The following GCM2 variants were observed in gnomAD, a reference collection of about 807,000 sequenced individuals.
GCM2 encodes the protein chorion-specific transcription factor GCMb.
GCM2 carries 21 observed loss-of-function variants against 24.8 expected under a neutral mutation model. That is an observed-to-expected ratio of 0.85 (90% CI 0.60 to 1.22). The LOEUF (loss-of-function observed/expected upper bound fraction) is 1.22. Among genes scored for constraint, GCM2 ranks in the 50% most tolerant of loss-of-function variants. The pLI, the probability that GCM2 is intolerant of heterozygous loss-of-function variation, is 0.00. For missense variants in GCM2, 532 were observed against 645.6 expected, an observed-to-expected ratio of 0.82 and a Z score of 1.91; for synonymous variants, 222 against 238.0, an observed-to-expected ratio of 0.93 and a Z score of 0.62.
At position 10,875,765 on chromosome 6, in the gene GCM2, C is replaced by T. The variant is rs183244148; in HGVS notation, c.582+126G>A. On this transcript the variant is annotated intron_variant, in intron 4 of 4. Coordinates refer to ENST00000379491, the MANE Select transcript of GCM2 (RefSeq NM_004752.4). The stretch of plus-strand genomic sequence containing the variant: ...TGATTTAATGATATTTTGTTACAGA[C>T]GTATAATTTTCAGATGAAATCAAAC... The T allele has an allele frequency of 3.0e-3, 2,747 of 926,452 alleles. 22 individuals are homozygous for T. Among genetic ancestry groups the T allele is most frequent in the Middle Eastern group, 0.028 (121 of 4,266 alleles). The allele number at this position is 926,452 out of a possible 1,614,324, so 57.4% of individuals were successfully genotyped here.
rs1212077714 is a variant in GCM2 at position 10,881,755 on chromosome 6, G to T, written c.39C>A (p.Cys13Ter). 8 of 1,610,650 alleles carry T rather than the reference G, an allele frequency of 5.0e-6. No homozygotes were observed. Among genetic ancestry groups the T allele is most frequent in the African/African-American group, 1.3e-5 (1 of 74,904 alleles). The change falls in exon 1 of 5, where the codon TGC becomes TGA. Residue 13 changes from cysteine (C) to a stop codon, truncating the protein, a stop_gained. Coordinates refer to ENST00000379491, the MANE Select transcript of GCM2 (RefSeq NM_004752.4). LOFTEE classifies it high-confidence loss of function. ...CCCAGCTGAGCTGCATCCCGTAGGA[G>T]CACACGCCGACCGCTTCCTGCACCG... ...AAAVQEAVGV[C>*]SYGMQLSWDI...
At chr6:10,876,400 C>A in intron 3 of GCM2, 45 bp downstream of exon 3, 1 of 1,255,946 alleles carries the variant, frequency 8.0e-7, no homozygotes, top group South Asian at 1.2e-5. Flanking sequence ...CCTTTGTGGT[C>A]TGATGAAAAG....
Position 10,875,997 on chromosome 6 carries a change from T to TG in GCM2, c.475dup (p.His159ProfsTer13). 1 of 1,614,102 alleles carries TG rather than the reference T, an allele frequency of 6.2e-7. No individual in the cohort carries two copies. Among genetic ancestry groups the TG allele is most frequent in the Non-Finnish European group, 8.5e-7 (1 of 1,179,946 alleles). The stretch of plus-strand genomic sequence containing the variant: ...CTCTGATTTGCTCTCTGGTCTTGGA[T>TG]GATCATGAACTCCCTTGGCCTGCGA... On this transcript the variant is annotated frameshift_variant, in exon 4 of 5. Coordinates refer to ENST00000379491, the MANE Select transcript of GCM2 (RefSeq NM_004752.4). LOFTEE classifies it high-confidence loss of function.
chr6:10,881,024 G>A (rs920547460), intron 1 of GCM2, among the ~76,000 whole-genome samples: 4 of 152,204 alleles, frequency 2.6e-5, no homozygotes, highest in Non-Finnish European at 5.9e-5. Context: ...CTTGGTTAAA[G>A]GGAAGTGAAA....
At chr6:10,878,789 G>T (rs1244370253) in intron 1 of GCM2, among the ~76,000 whole-genome samples, 1 of 152,182 alleles carries the variant, frequency 6.6e-6, no homozygotes, top group Non-Finnish European at 1.5e-5. Flanking sequence ...AAATAAGGAA[G>T]TGGAGGTTCA....
intron 1 of GCM2, among the ~76,000 whole-genome samples, chr6:10,880,128 G>A (rs562763196): frequency 6.1e-4 from 93 of 152,272 alleles, no homozygotes; most frequent in African/African-American, 2.2e-3. Flanking sequence ...GGTGGCGCAT[G>A]CTTGTAGTCC....
At chr6:10,875,213 T>C (rs1779860962) in intron 4 of GCM2, among the ~76,000 whole-genome samples, 1 of 152,202 alleles carries the variant, frequency 6.6e-6, no homozygotes, top group Non-Finnish European at 1.5e-5. Context: ...CTATACTGTC[T>C]TCCTAATAGT....
intron 1 of GCM2, 25 bp downstream of exon 1, chr6:10,881,679 G>A (rs749548983): frequency 1.3e-6 from 2 of 1,570,826 alleles, no homozygotes; most frequent in South Asian, 2.2e-5. Context: ...CGCCCCGCGT[G>A]CCCGCACACA....
chr6:10,874,729 T>C lies in GCM2; in HGVS notation c.787A>G (p.Ser263Gly), dbSNP rs750037512. Residue 263 changes from serine to glycine, a missense_variant, in exon 5 of 5, where the codon AGC becomes GGC. This residue lies in a region of GCM2 where 434 missense variants were observed against 521.9 expected (regional missense o/e 0.83). Transcript: ENST00000379491. ...DKMPPFQKYSSPRIYLPRPPC... is the reference protein window; with the variant it reads ...DKMPPFQKYSGPRIYLPRPPC... ...GGCCTAGGCAAATAGATTCTTGGGC[T>C]TGAGTATTTCTGGAAGGGTGGCATT... 5.6e-6 allele frequency: 9 copies of C among 1,614,158 alleles called. No homozygotes were observed. Among genetic ancestry groups the C allele is most frequent in the Non-Finnish European group, 7.6e-6 (9 of 1,180,012 alleles).
At position 10,881,946 on chromosome 6, in the gene GCM2, T is replaced by G. The variant is rs1779966296; in HGVS notation, c.-153A>C. On this transcript the variant is annotated 5_prime_UTR_variant, in exon 1 of 5. Coordinates refer to ENST00000379491, the MANE Select transcript of GCM2 (RefSeq NM_004752.4). ...AGAGAGAGAAAGAGAGAGAGGCTGT[T>G]TAGATATCTGGAAGCTGGGGACAAT... 1 of 694,364 alleles carries G rather than the reference T, an allele frequency of 1.4e-6. No individual in the cohort carries two copies. The highest frequency in any genetic ancestry group is 2.1e-5 in the Admixed American group (1 of 46,940). The allele number at this position is 694,364 out of a possible 1,614,324, so 43.0% of individuals were successfully genotyped here.
chr6:10,876,545 G>C lies in GCM2; in HGVS notation c.356C>G (p.Pro119Arg). Reference protein sequence around the residue: ...ARLKQQKKACPNCHSALELIP... With the variant: ...ARLKQQKKACRNCHSALELIP... ...CAACTCCAAAGCAGAATGACAGTTA[G>C]GGCATGCCTTCTCTGCAAAGCCCAG... Residue 119 changes from proline to arginine, a missense_variant, in exon 3 of 5, where the codon CCT (proline) becomes CGT (arginine). By Grantham distance (103) the Pro-to-Arg change is moderately radical. Coordinates refer to ENST00000379491, the MANE Select transcript of GCM2 (RefSeq NM_004752.4). 6.2e-7 allele frequency: 1 copy of C among 1,610,234 alleles called. No individual in the cohort carries two copies. Among genetic ancestry groups the C allele is most frequent in the Non-Finnish European group, 8.5e-7 (1 of 1,176,422 alleles).
In GCM2 at chr6:10,874,496, G is replaced by T; in HGVS notation, c.1020C>A (p.Pro340=). ...CATGGTTAGTCCTTTCCACAAGGCT[G>T]GGTTTTCCAAGAGCTGGTTTCCAGC... ...QHGWKPALGK[P]SLVERTNHGQ... is the part of the protein sequence containing the mutation. Residue 340 remains proline (P), a synonymous_variant, in exon 5 of 5, where the codon CCC becomes CCA. Coordinates refer to ENST00000379491, the MANE Select transcript of GCM2 (RefSeq NM_004752.4). The T allele has an allele frequency of 1.9e-6, 3 of 1,614,208 alleles. No homozygotes were observed. The highest frequency in any genetic ancestry group is 1.7e-6 in the Non-Finnish European group (2 of 1,180,042).
intron 1 of GCM2, among the ~76,000 whole-genome samples, chr6:10,878,444 G>A (rs1346159815): frequency 1.3e-5 from 2 of 151,988 alleles, no homozygotes; most frequent in Admixed American, 6.6e-5. Flanking sequence ...TCAGCCTCCT[G>A]ACTACCTGGG....
intron 1 of GCM2, 54 bp from the exon 2 acceptor site, chr6:10,877,446 A>G (rs1779900330): frequency 2.5e-6 from 4 of 1,595,562 alleles, no homozygotes; most frequent in East Asian, 4.5e-5. Context: ...AACTGCACAC[A>G]TCATGCTCTA....
At position 10,881,692 on chromosome 6, in the gene GCM2, C is replaced by G. The variant is rs772701925; in HGVS notation, c.90+12G>C. ...AGCGCCCCGCGTGCCCGCACACACC[C>G]GGTTCACTTACCTGAGGCATCTGCG... is the stretch of plus-strand genomic sequence containing the variant. On this transcript the variant is annotated intron_variant, in intron 1 of 4. Transcript: ENST00000379491. The G allele has an allele frequency of 2.2e-4, 355 of 1,602,942 alleles. No homozygotes were observed. Among genetic ancestry groups the G allele is most frequent in the Non-Finnish European group, 2.7e-4 (322 of 1,172,544 alleles).
In GCM2 at chr6:10,881,830, G is replaced by GA; in HGVS notation, c.-38dup. The GA allele has an allele frequency of 6.4e-7, 1 of 1,556,400 alleles. No individual in the cohort carries two copies. The highest frequency in any genetic ancestry group is 8.8e-7 in the Non-Finnish European group (1 of 1,138,334). On this transcript the variant is annotated 5_prime_UTR_variant, in exon 1 of 5. Transcript: ENST00000379491. ...GCTCGCGCTTTCCGCCCAGGGTTCT[G>GA]AAAAATAGAAGAAAAAAGGACAGGT... is the stretch of plus-strand genomic sequence containing the variant.
rs989640336 is a variant in GCM2 at position 10,873,956 on chromosome 6, C to T, written c.*39G>A. The T allele has an allele frequency of 3.4e-6, 5 of 1,464,082 alleles. No homozygotes were observed. The African/African-American group carries it at 4.2e-5, about 12-fold the overall frequency. 90.7% of individuals were successfully genotyped at this position (1,464,082 alleles called of 1,614,324 possible). A position where few individuals can be genotyped will look rare whatever the true frequency, so the allele number is the denominator to read the frequency against. On this transcript the variant is annotated 3_prime_UTR_variant, in exon 5 of 5. Transcript: ENST00000379491. ...CCATTTCACATTTCCCTGCCTCCTG[C>T]CTGCATGCACACTGCTATTATGTCC... is the stretch of plus-strand genomic sequence containing the variant.
intron 1 of GCM2, among the ~76,000 whole-genome samples, chr6:10,878,071 T>G (rs545863492): frequency 2.8e-4 from 43 of 152,286 alleles, no homozygotes; most frequent in African/African-American, 9.9e-4. Flanking sequence ...AATGAGGGAC[T>G]TAAGCCATGA....
intron 4 of GCM2, 115 bp downstream of exon 4, chr6:10,875,776 C>T: frequency 9.7e-7 from 1 of 1,031,318 alleles, no homozygotes; most frequent in Non-Finnish European, 1.5e-6. Flanking sequence ...GTATAATTTT[C>T]AGATGAAATC....
Sources: allele counts gnomAD v4.1 joint callset (sites outside exome capture counted in the v4.1 genomes callset), GRCh38; gene constraint gnomAD v4.1.1; regional missense constraint gnomAD v4.1.1; transcripts MANE v1.5; gene names NCBI Gene and HGNC (gene_info 2026-07-23, HGNC 2026-07-21).